INSYN2B: variants seen among roughly 807,000 people sequenced by gnomAD.
INSYN2B encodes the protein protein INSYN2B.
A neutral mutation model predicts 41.2 loss-of-function variants in INSYN2B; 16 were observed. The ratio of observed to expected loss-of-function variants is 0.39; its 90% CI spans 0.26 to 0.59. The LOEUF (loss-of-function observed/expected upper bound fraction) is 0.59, where lower values mean the gene tolerates loss of function less well. INSYN2B is among the 20% of genes least tolerant of loss of function. The pLI is 0.57. For synonymous variants in INSYN2B, 245 were observed against 244.4 expected (o/e 1.00, Z -0.02); for missense variants, 608 against 646.4 (o/e 0.94, Z 0.64).
intron 1 of INSYN2B, among the ~76,000 whole-genome samples, chr5:169,895,329 A>T (rs1773533093): frequency 6.6e-6 from 1 of 151,570 alleles, no homozygotes. Flanking sequence ...CAAAGGGAAG[A>T]GCATATGGTA....
Position 169,862,573 on chromosome 5 carries a change from GA to G in INSYN2B, c.*1699del, listed in dbSNP as rs1771273115. 6.6e-6 allele frequency among the ~76,000 whole-genome samples: 1 copy of G among 152,154 alleles called. No homozygotes were observed. Among genetic ancestry groups the G allele is most frequent in the Non-Finnish European group, 1.5e-5 (1 of 68,024 alleles). Reference sequence around the variant, plus strand: ...TATTGAAATGTGGCTTCTTAAGTATGACAAGTGTATTTATCTTAATTCTAAC... The same window carrying G: ...TATTGAAATGTGGCTTCTTAAGTATGCAAGTGTATTTATCTTAATTCTAAC... On this transcript the variant is annotated 3_prime_UTR_variant, in exon 4 of 4. Coordinates refer to ENST00000377365, the MANE Select transcript of INSYN2B (RefSeq NM_001129891.3).
intron 3 of INSYN2B, chr5:169,875,168 G>T (rs903711486): frequency 2.2e-6 from 1 of 454,880 alleles, no homozygotes; most frequent in Non-Finnish European, 4.4e-6. Flanking sequence ...CTTCTTTCAA[G>T]ACCCTGATTT....
intron 1 of INSYN2B, among the ~76,000 whole-genome samples, chr5:169,931,774 C>A (rs1775767201): frequency 6.6e-6 from 1 of 151,996 alleles, no homozygotes; most frequent in African/African-American, 2.4e-5. Flanking sequence ...GAAGCACAGC[C>A]AAGTGGCCCA....
chr5:169,934,851 C>T (rs1215011662), intron 1 of INSYN2B: 14 of 386,798 alleles, frequency 3.6e-5, no homozygotes, highest in Non-Finnish European at 6.8e-5. Context: ...GTAAATAAAG[C>T]ATTATACATT....
At chr5:169,902,185 CAGTT>C (rs1338100736) in intron 1 of INSYN2B, among the ~76,000 whole-genome samples, 1 of 152,168 alleles carries the variant, frequency 6.6e-6, no homozygotes, top group Non-Finnish European at 1.5e-5. Context: ...GGGGAATAAC[CAGTT>C]AGTCTAGTCG....
intron 3 of INSYN2B, among the ~76,000 whole-genome samples, chr5:169,880,562 G>A (rs902900168): frequency 6.6e-6 from 1 of 152,186 alleles, no homozygotes; most frequent in East Asian, 1.9e-4. Context: ...ATGGAAAGTG[G>A]GCTTCCAGCT....
At chr5:169,974,992 G>C (rs1368862650) in intron 1 of INSYN2B, among the ~76,000 whole-genome samples, 1 of 152,154 alleles carries the variant, frequency 6.6e-6, no homozygotes, top group Non-Finnish European at 1.5e-5. Flanking sequence ...TTTAACCAGA[G>C]ACTGGGAGCC....
At position 169,864,532 on chromosome 5, in the gene INSYN2B, C is replaced by T. The variant is rs934873440; in HGVS notation, c.1422-73G>A. 1.1e-5 allele frequency: 13 copies of T among 1,166,822 alleles called. No homozygotes were observed. The African/African-American group carries it at 1.2e-4, about 11-fold the overall frequency. 72.3% of individuals were successfully genotyped at this position (1,166,822 alleles called of 1,614,324 possible). On this transcript the variant is annotated intron_variant, in intron 3 of 3. Transcript: ENST00000377365. ...AGACTGATTAAGCATCTCTCAGCCC[C>T]AACTAATATGGAAGAGCATGAGCTT... is the stretch of plus-strand genomic sequence containing the variant.
At chr5:169,946,305 G>A (rs1164986709) in intron 1 of INSYN2B, among the ~76,000 whole-genome samples, 1 of 152,230 alleles carries the variant, frequency 6.6e-6, no homozygotes, top group East Asian at 1.9e-4. Flanking sequence ...CCGGAGGCAG[G>A]CATCTGAGGG....
chr5:169,927,102 G>A (rs570326622), intron 1 of INSYN2B, among the ~76,000 whole-genome samples: 1 of 152,332 alleles, frequency 6.6e-6, no homozygotes, highest in Admixed American at 6.5e-5. Context: ...AGTGGGAAGA[G>A]CAAAAGAGCA....
chr5:169,902,604 G>C (rs1479991665), intron 1 of INSYN2B, among the ~76,000 whole-genome samples: 1 of 152,226 alleles, frequency 6.6e-6, no homozygotes, highest in Non-Finnish European at 1.5e-5. Flanking sequence ...CCCCGCTGAG[G>C]CTCCCTGGGG....
chr5:169,895,168 C>A (rs747678582), intron 1 of INSYN2B, among the ~76,000 whole-genome samples: 1 of 152,182 alleles, frequency 6.6e-6, no homozygotes, highest in Non-Finnish European at 1.5e-5. Context: ...GATGGGCTCA[C>A]GGTGTTTGCC....
chr5:169,874,203 A>C (rs1423514929), intron 3 of INSYN2B, among the ~76,000 whole-genome samples: 1 of 152,132 alleles, frequency 6.6e-6, no homozygotes, highest in African/African-American at 2.4e-5. Context: ...ACTTGAGGTC[A>C]GGGGTTCAAG....
At chr5:169,973,680 G>A (rs992072448) in intron 1 of INSYN2B, among the ~76,000 whole-genome samples, 1 of 152,156 alleles carries the variant, frequency 6.6e-6, no homozygotes, top group Admixed American at 6.5e-5. Context: ...TGCGGTATTG[G>A]TACCTCATAC....
At chr5:169,874,020 C>G (rs963982637) in intron 3 of INSYN2B, among the ~76,000 whole-genome samples, 1 of 152,088 alleles carries the variant, frequency 6.6e-6, no homozygotes, top group African/African-American at 2.4e-5. Context: ...TTGCTAGATA[C>G]AAAGGGAGGC....
chr5:169,861,391 G>A lies in INSYN2B; in HGVS notation c.*2882C>T, dbSNP rs745719729. 1.2e-4 allele frequency among the ~76,000 whole-genome samples: 18 copies of A among 152,242 alleles called. No homozygotes were observed. The highest frequency in any genetic ancestry group is 2.6e-4 in the African/African-American group (11 of 41,540). On this transcript the variant is annotated 3_prime_UTR_variant, in exon 4 of 4. Transcript: ENST00000377365. ...TTACAAAACCTTACATCAGTACATC[G>A]TCTTTAAGAAGGTGCTCTATAGATG...
intron 1 of INSYN2B, among the ~76,000 whole-genome samples, chr5:169,890,214 T>C (rs1773204413): frequency 6.6e-6 from 1 of 152,234 alleles, no homozygotes. Context: ...CTTTATGTGT[T>C]AGTCCTGTTT....
At chr5:169,914,418 A>G (rs1774767559) in intron 1 of INSYN2B, among the ~76,000 whole-genome samples, 1 of 152,232 alleles carries the variant, frequency 6.6e-6, no homozygotes, top group Non-Finnish European at 1.5e-5. Flanking sequence ...CTCTTGGGGA[A>G]TATCCGTGAA....
At chr5:169,891,995 CAAAAAAA>C (rs571918885) in intron 1 of INSYN2B, among the ~76,000 whole-genome samples, 24 of 64,230 alleles carry the variant, frequency 3.7e-4, no homozygotes, top group African/African-American at 1.2e-3. Context: ...GATTCCGTCC[CAAAAAAA>C]AAAAAAAAAA....
Sources: gnomAD v4.1 joint callset for allele counts (sites outside exome capture counted in the v4.1 genomes callset) on GRCh38, gnomAD v4.1.1 for gene constraint, MANE v1.5 for transcripts, NCBI Gene and HGNC (gene_info 2026-07-23, HGNC 2026-07-21) for gene names.